TNKS2: variants seen among roughly 807,000 people sequenced by gnomAD.
TNKS2 encodes the protein tankyrase 2, also known as poly [ADP-ribose] polymerase tankyrase-2.
A neutral mutation model predicts 137.6 loss-of-function variants in TNKS2; 72 were observed. The observed-to-expected ratio is 0.52, with a 90% CI of 0.43 to 0.64. The LOEUF (loss-of-function observed/expected upper bound fraction) is 0.64, where lower values mean the gene tolerates loss of function less well. Among genes scored for constraint, TNKS2 ranks in the 30% least tolerant of loss-of-function variants. TNKS2 has a pLI of 0.00. For missense variants in TNKS2, 1,049 were observed against 1,410.2 expected (o/e 0.74, Z 4.10); for synonymous variants, 516 against 512.1 (o/e 1.01, Z -0.10).
At chr10:91,823,218 G>A (rs1478658079) in intron 7 of TNKS2, among the ~76,000 whole-genome samples, 1 of 151,874 alleles carries the variant, frequency 6.6e-6, no homozygotes, top group South Asian at 2.1e-4. Flanking sequence ...GGAGCTGGCC[G>A]ATTTGGTAAG....
In TNKS2 at chr10:91,853,303, C is replaced by T. The variant is rs73327839; in HGVS notation, c.2816-1726C>T. Among the ~76,000 whole-genome samples the T allele has an allele frequency of 2.0e-3, 304 of 152,308 alleles. 1 individual carries two copies. Among genetic ancestry groups the T allele is most frequent in the African/African-American group, 6.9e-3 (287 of 41,570 alleles). On this transcript the variant is annotated intron_variant, in intron 21 of 26. Coordinates refer to ENST00000371627, the MANE Select transcript of TNKS2 (RefSeq NM_025235.4). The stretch of plus-strand genomic sequence containing the variant: ...TGGTCCTGTAGTCACTCTGATACAT[C>T]CAGCTCCACTTGGATAGGAACATTC...
intron 23 of TNKS2, among the ~76,000 whole-genome samples, chr10:91,856,181 G>A (rs1842698787): frequency 6.6e-6 from 1 of 152,048 alleles, no homozygotes; most frequent in African/African-American, 2.4e-5. Flanking sequence ...GAGTCATTTA[G>A]TGACTGCTGT....
chr10:91,861,334 A>T (rs1159645177), intron 25 of TNKS2, among the ~76,000 whole-genome samples: 2 of 152,242 alleles, frequency 1.3e-5, no homozygotes, highest in Admixed American at 1.3e-4. Context: ...TAATGAACAT[A>T]AAATGAGATT....
At chr10:91,853,285 G>A (rs1418929854) in intron 21 of TNKS2, among the ~76,000 whole-genome samples, 5 of 152,192 alleles carry the variant, frequency 3.3e-5, no homozygotes, top group Non-Finnish European at 7.3e-5. Flanking sequence ...CTCTGGTCCT[G>A]TAGTCACTCT....
intron 2 of TNKS2, among the ~76,000 whole-genome samples, chr10:91,815,601 G>GTA (rs745767949): frequency 2.0e-5 from 3 of 152,032 alleles, no homozygotes; most frequent in Non-Finnish European, 4.4e-5. Context: ...AAAAAAAAAT[G>GTA]TAAAATATCT....
intron 25 of TNKS2, among the ~76,000 whole-genome samples, chr10:91,860,440 C>T (rs940038194): frequency 3.9e-5 from 6 of 152,130 alleles, no homozygotes; most frequent in Admixed American, 2.0e-4. Context: ...TTTAGTAGAT[C>T]TGGGATGAGA....
chr10:91,835,860 G>A (rs952412584), intron 12 of TNKS2, among the ~76,000 whole-genome samples: 24 of 144,474 alleles, frequency 1.7e-4, no homozygotes, highest in South Asian at 4.8e-4. Flanking sequence ...TGTCTGCCTC[G>A]GCCTCCCAAA....
In TNKS2 at chr10:91,819,567, T is replaced by G; in HGVS notation, c.633+10T>G. 1.3e-6 allele frequency: 2 copies of G among 1,573,762 alleles called. No homozygotes were observed. The highest frequency in any genetic ancestry group is 1.7e-6 in the Non-Finnish European group (2 of 1,165,530). On this transcript the variant is annotated intron_variant, in intron 5 of 26. Coordinates refer to ENST00000371627, the MANE Select transcript of TNKS2 (RefSeq NM_025235.4). ...AAGTGATGGCAGAAAGGTACTTCCTTTTGCAACTGAGTTTGTGCTTATCTC... is the reference window on the plus strand; with the variant it reads ...AAGTGATGGCAGAAAGGTACTTCCTGTTGCAACTGAGTTTGTGCTTATCTC...
intron 6 of TNKS2, 21 bp from the exon 7 acceptor site, chr10:91,822,275 T>C (rs775962949): frequency 6.3e-7 from 1 of 1,594,812 alleles, no homozygotes. Flanking sequence ...AAACAGGATT[T>C]TCCCCCCCTT....
chr10:91,826,961 A>G (rs761242508), intron 7 of TNKS2, 56 bp from the exon 8 acceptor site: 15 of 1,407,134 alleles, frequency 1.1e-5, no homozygotes, highest in Non-Finnish European at 1.3e-5. Flanking sequence ...CACAGTACGA[A>G]TAATTCTGAA....
chr10:91,800,160 C>T (rs1844116185), intron 1 of TNKS2, among the ~76,000 whole-genome samples: 2 of 152,056 alleles, frequency 1.3e-5, no homozygotes, highest in Admixed American at 6.6e-5. Context: ...GAACTAGAAA[C>T]GGTTTGTGGG....
At chr10:91,824,645 G>T (rs1386339505) in intron 7 of TNKS2, among the ~76,000 whole-genome samples, 1 of 152,116 alleles carries the variant, frequency 6.6e-6, no homozygotes, top group Non-Finnish European at 1.5e-5. Flanking sequence ...CACTTCTATG[G>T]TTGACTTGAT....
rs1305561005 is a variant in TNKS2 at position 91,859,647 on chromosome 10, A to T, written c.3280A>T (p.Arg1094Trp). ...HKDRSCYICH[R>W]QLLFCRVTLG... Reference sequence around the variant, plus strand: ...AGACAGATCTTGTTACATTTGCCACAGGTAAGAGATCACTTGTTCTCATTT... The same window carrying T: ...AGACAGATCTTGTTACATTTGCCACTGGTAAGAGATCACTTGTTCTCATTT... The change falls in exon 25 of 27, where the codon AGG becomes TGG. Residue 1094 changes from arginine to tryptophan, a missense_variant and splice_region_variant. Around this residue, in one of 6 missense-constraint regions of TNKS2, gnomAD observed 133 missense variants for 248.4 expected, o/e 0.54. Coordinates refer to ENST00000371627, the MANE Select transcript of TNKS2 (RefSeq NM_025235.4). 3 of 1,609,428 alleles carry T rather than the reference A, an allele frequency of 1.9e-6. No individual in the cohort carries two copies. The South Asian group carries it at 3.3e-5, about 18-fold the overall frequency.
intron 1 of TNKS2, among the ~76,000 whole-genome samples, chr10:91,800,383 C>T (rs1844126761): frequency 6.6e-6 from 1 of 152,142 alleles, no homozygotes; most frequent in African/African-American, 2.4e-5. Flanking sequence ...TTCACTTGAT[C>T]TGTGGGATAA....
In TNKS2 at chr10:91,845,007, A is replaced by G. The variant is rs1180633119; in HGVS notation, c.2148A>G (p.Leu716=). The change falls in exon 17 of 27, where the codon TTA becomes TTG. Residue 716 remains leucine, a synonymous_variant. Transcript: ENST00000371627. ...NAQDKGGLIP[L]HNAASYGHVD... ...AAGACAAAGGAGGACTTATTCCTTT[A>G]CATAATGCAGCATCTTACGGGGTAA... 1.2e-6 allele frequency: 2 copies of G among 1,610,902 alleles called. No homozygotes were observed. Among genetic ancestry groups the G allele is most frequent in the African/African-American group, 2.7e-5 (2 of 74,858 alleles).
chr10:91,808,380 GA>G (rs1312682767), intron 1 of TNKS2, among the ~76,000 whole-genome samples: 1 of 152,070 alleles, frequency 6.6e-6, no homozygotes, highest in Non-Finnish European at 1.5e-5. Context: ...CGTGTGAAAT[GA>G]AATTAGAGAA....
intron 25 of TNKS2, among the ~76,000 whole-genome samples, chr10:91,861,637 G>C (rs1297434901): frequency 1.3e-5 from 2 of 152,158 alleles, no homozygotes; most frequent in Non-Finnish European, 2.9e-5. Flanking sequence ...GAGTTAATTA[G>C]ATATGTGTCC....
chr10:91,845,939 C>T lies in TNKS2; in HGVS notation c.2357C>T (p.Ser786Leu). 6.5e-7 allele frequency: 1 copy of T among 1,528,728 alleles called. No homozygotes were observed. The highest frequency in any genetic ancestry group is 8.9e-7 in the Non-Finnish European group (1 of 1,125,118). The allele number at this position is 1,528,728 out of a possible 1,614,324, so 94.7% of individuals were successfully genotyped here. ...GGACAAACACCTTTAGATTTAGTTT[C>T]AGTAAGTGATGGGCTTTTTGAAAAA... ...QEGQTPLDLV[S>L]ADDVSALLTA... The change falls in exon 18 of 27, where the codon TCA (serine) becomes TTA (leucine). Residue 786 changes from serine to leucine, a missense_variant and splice_region_variant. Transcript: ENST00000371627.
In TNKS2 at chr10:91,798,863, A is replaced by G; in HGVS notation, c.173A>G (p.Lys58Arg). The change falls in exon 1 of 27, where the codon AAA (lysine) becomes AGA (arginine). Residue 58 changes from lysine to arginine, a missense_variant. This residue lies in a region of TNKS2 where 374 missense variants were observed against 460.8 expected (regional missense o/e 0.81). Coordinates refer to ENST00000371627, the MANE Select transcript of TNKS2 (RefSeq NM_025235.4). ...AACAGCCGCGACACGGCGGGCAGGA[A>G]ATCCACCCCGCTGCACTTCGCCGCA... ...KVNSRDTAGR[K>R]STPLHFAAGF... The G allele has an allele frequency of 7.3e-7, 1 of 1,363,910 alleles. No homozygotes were observed. The allele number at this position is 1,363,910 out of a possible 1,614,324, so 84.5% of individuals were successfully genotyped here. A position where few individuals can be genotyped will look rare whatever the true frequency, so the allele number is the denominator to read the frequency against.
Sources: allele counts gnomAD v4.1 joint callset (sites outside exome capture counted in the v4.1 genomes callset), GRCh38; gene constraint gnomAD v4.1.1; regional missense constraint gnomAD v4.1.1; transcripts MANE v1.5; gene names NCBI Gene and HGNC (gene_info 2026-07-23, HGNC 2026-07-21).